Variants in TRPC5 observed in about 807,000 individuals in gnomAD.
The protein encoded by TRPC5 is transient receptor potential cation channel subfamily C member 5.
A neutral mutation model predicts 56.5 loss-of-function variants in TRPC5; 9 were observed. The ratio of observed to expected loss-of-function variants is 0.16; its 90% CI spans 0.10 to 0.28. The LOEUF is 0.28. Among genes scored for constraint, TRPC5 ranks in the 10% least tolerant of loss-of-function variants. TRPC5 has a pLI of 1.00. For synonymous variants in TRPC5, 282 were observed against 278.5 expected (o/e 1.01, Z -0.13); for missense variants, 469 against 748.9 (o/e 0.63, Z 4.36).
At chrX:111,787,948 T>G (rs1945982601) in intron 7 of TRPC5, among the ~76,000 whole-genome samples, 4 of 111,395 alleles carry the variant, frequency 3.6e-5, no homozygotes, top group African/African-American at 1.3e-4. Context: ...AAAAGTCCAG[T>G]ACCAGATGGA....
intron 1 of TRPC5, among the ~76,000 whole-genome samples, chrX:112,035,413 A>G (rs1268973151): frequency 1.8e-5 from 2 of 108,496 alleles, no homozygotes; most frequent in African/African-American, 6.8e-5. Flanking sequence ...CTGTTTCTTT[A>G]TCTTGTGTTT....
chrX:111,827,257 C>G (rs1922267885), intron 7 of TRPC5, among the ~76,000 whole-genome samples: 1 of 111,262 alleles, frequency 9.0e-6, no homozygotes. Flanking sequence ...ATTTTCAGAT[C>G]TCTTTTCTTT....
intron 1 of TRPC5, among the ~76,000 whole-genome samples, chrX:112,050,972 CTGTT>C (rs1482181815): frequency 8.9e-6 from 1 of 112,318 alleles, no homozygotes; most frequent in East Asian, 2.8e-4. Context: ...GCCACTTATT[CTGTT>C]TGTCACCCCC....
chrX:111,925,791 G>A (rs2148626204), intron 2 of TRPC5, among the ~76,000 whole-genome samples: 1 of 111,875 alleles, frequency 8.9e-6, no homozygotes, highest in East Asian at 2.8e-4. Context: ...TTCCCAGGGA[G>A]GTTAGAGACC....
chrX:111,974,188 G>A (rs1331860621), intron 1 of TRPC5, among the ~76,000 whole-genome samples: 1 of 111,923 alleles, frequency 8.9e-6, no homozygotes, highest in Admixed American at 9.5e-5. Context: ...GTCTCTGAGT[G>A]ATGGGAAACA....
intron 8 of TRPC5, 94 bp from the exon 9 acceptor site, chrX:111,781,300 A>T: frequency 1.3e-6 from 1 of 787,422 alleles, no homozygotes; most frequent in South Asian, 2.4e-5. Context: ...ATATATTAGG[A>T]CTAGAGAATG....
chrX:112,059,825 G>A (rs1301838126), intron 1 of TRPC5, among the ~76,000 whole-genome samples: 1 of 111,863 alleles, frequency 8.9e-6, no homozygotes, highest in Non-Finnish European at 1.9e-5. Flanking sequence ...TTATGAAGAT[G>A]TTTCAGTCAA....
At chrX:111,917,198 A>T (rs1926002173) in intron 2 of TRPC5, among the ~76,000 whole-genome samples, 1 of 112,238 alleles carries the variant, frequency 8.9e-6, no homozygotes, top group African/African-American at 3.2e-5. Flanking sequence ...GGCCAGTTTC[A>T]TGCTACCAAT....
chrX:111,995,063 C>G (rs1310869820), intron 1 of TRPC5, among the ~76,000 whole-genome samples: 1 of 111,948 alleles, frequency 8.9e-6, no homozygotes, highest in East Asian at 2.8e-4. Context: ...GGGAATACTT[C>G]TAGTTTCTGC....
intron 3 of TRPC5, among the ~76,000 whole-genome samples, chrX:111,866,566 C>T (rs1024567019): frequency 2.7e-5 from 3 of 112,725 alleles, no homozygotes; most frequent in African/African-American, 9.7e-5. Context: ...TTTGGAAAAG[C>T]CCTGGCTTTC....
chrX:111,926,051 A>G (rs1292274247), intron 2 of TRPC5, among the ~76,000 whole-genome samples: 1 of 112,259 alleles, frequency 8.9e-6, no homozygotes, highest in Non-Finnish European at 1.9e-5. Context: ...GGACATTGCC[A>G]AATGTCTCCT....
intron 3 of TRPC5, among the ~76,000 whole-genome samples, chrX:111,861,436 A>AT (rs961091513): frequency 1.8e-5 from 2 of 111,898 alleles, no homozygotes; most frequent in African/African-American, 6.5e-5. Context: ...TTTTAAGACA[A>AT]TTTTTTATTT....
intron 1 of TRPC5, among the ~76,000 whole-genome samples, chrX:111,995,555 G>GT (rs746328974): frequency 9.0e-6 from 1 of 111,242 alleles, no homozygotes; most frequent in East Asian, 2.8e-4. Context: ...GCTCCTCTTT[G>GT]TACCTCTGGT....
intron 6 of TRPC5, among the ~76,000 whole-genome samples, chrX:111,845,878 C>T (rs1272851769): frequency 9.0e-6 from 1 of 111,587 alleles, no homozygotes; most frequent in Non-Finnish European, 1.9e-5. Flanking sequence ...GGTTTCCACA[C>T]CCAAGATTTA....
chrX:111,877,230 A>G (rs1923992288), intron 3 of TRPC5, among the ~76,000 whole-genome samples: 1 of 111,774 alleles, frequency 8.9e-6, no homozygotes, highest in Non-Finnish European at 1.9e-5. Flanking sequence ...GATATTTTGG[A>G]GATAAAATTG....
intron 2 of TRPC5, 23 bp from the exon 3 acceptor site, chrX:111,912,835 A>C: frequency 8.5e-7 from 1 of 1,178,547 alleles, no homozygotes; most frequent in Non-Finnish European, 1.1e-6. Context: ...AATGAGAAGA[A>C]TAGAAGGGCA....
At position 111,818,802 on chromosome X, in the gene TRPC5, C is replaced by A. The variant is rs897251219; in HGVS notation, c.1896+16119G>T. On this transcript the variant is annotated intron_variant, in intron 7 of 10. Transcript: ENST00000262839. ...TATTTTTAGTAGAGGCGGGGTTTCTCCATATTGGTCAGGCTGGTCTCGAAC... is the reference window on the plus strand; with the variant it reads ...TATTTTTAGTAGAGGCGGGGTTTCTACATATTGGTCAGGCTGGTCTCGAAC... Among the ~76,000 whole-genome samples, 4 of 109,551 alleles carry A rather than the reference C, an allele frequency of 3.7e-5. No individual in the cohort carries two copies. In the East Asian group the frequency reaches 8.6e-4, roughly 24 times the overall value.
chrX:111,852,557 G>A, intron 4 of TRPC5, 120 bp from the exon 5 acceptor site: 1 of 807,715 alleles, frequency 1.2e-6, no homozygotes, highest in African/African-American at 2.1e-5. Flanking sequence ...TCTCAGTGGA[G>A]TGAAGCCTTG....
At chrX:112,017,164 C>A (rs1296436493) in intron 1 of TRPC5, among the ~76,000 whole-genome samples, 2 of 111,179 alleles carry the variant, frequency 1.8e-5, no homozygotes, top group Non-Finnish European at 3.8e-5. Flanking sequence ...CAGGCGTGTG[C>A]CACCACACCC....
Sources: allele counts gnomAD v4.1 joint callset (sites outside exome capture counted in the v4.1 genomes callset), GRCh38; gene constraint gnomAD v4.1.1; transcripts MANE v1.5; gene names NCBI Gene and HGNC (gene_info 2026-07-23, HGNC 2026-07-21).